FAM161A: variants seen among roughly 807,000 people sequenced by gnomAD.
FAM161A encodes protein FAM161A.
A neutral mutation model predicts 70.9 loss-of-function variants in FAM161A; 57 were observed. The ratio of observed to expected loss-of-function variants is 0.80; its 90% CI spans 0.65 to 1.00. The LOEUF (loss-of-function observed/expected upper bound fraction) is 1.00. Ranked by LOEUF, FAM161A falls within the 50% of genes least tolerant of loss-of-function variation. FAM161A has a pLI of 0.00. For missense variants in FAM161A, 880 were observed against 836.0 expected, an observed-to-expected ratio of 1.05 and a Z score of -0.65; for synonymous variants, 299 against 295.7, an observed-to-expected ratio of 1.01 and a Z score of -0.12.
At chr2:61,838,501 A>G (rs1672855946) in intron 4 of FAM161A, 37 bp downstream of exon 4, 2 of 1,548,932 alleles carry the variant, frequency 1.3e-6, no homozygotes, top group African/African-American at 2.8e-5. Context: ...GAGTTTGAAA[A>G]CCAGTGGTCT....
downstream of FAM161A, among the ~76,000 whole-genome samples, chr2:61,821,028 T>C (rs1188384186): frequency 6.6e-6 from 1 of 152,100 alleles, no homozygotes; most frequent in Admixed American, 6.6e-5. Flanking sequence ...GATATAAGCA[T>C]ACATTTTATG....
chr2:61,803,210 C>T, the FAM161A span: 1 of 572,628 alleles, frequency 1.7e-6, no homozygotes. Flanking sequence ...AAAAAACTAG[C>T]CAAAATGTAT....
rs886056215 is a variant in FAM161A at position 61,825,232 on chromosome 2, T to C, written c.*1223A>G. On this transcript the variant is annotated 3_prime_UTR_variant, in exon 7 of 7. Coordinates refer to ENST00000404929, the MANE Select transcript of FAM161A (RefSeq NM_001201543.2). ...ACAAAAATTTGCTTAAAGAAAAAAA[T>C]ATAGATTTATAAAATCAGATTAACA... is the stretch of plus-strand genomic sequence containing the variant. The C allele has an allele frequency of 9.7e-5, 43 of 441,254 alleles. No homozygotes were observed. Among genetic ancestry groups the C allele is most frequent in the Middle Eastern group, 7.2e-4 (1 of 1,390 alleles). The allele number at this position is 441,254 out of a possible 1,614,324, so 27.3% of individuals were successfully genotyped here. A position where few individuals can be genotyped will look rare whatever the true frequency, so the allele number is the denominator to read the frequency against.
At chr2:61,842,024 G>T in intron 2 of FAM161A, 98 bp downstream of exon 2, 1 of 823,606 alleles carries the variant, frequency 1.2e-6, no homozygotes, top group Non-Finnish European at 2.1e-6. Context: ...AGTACAAAGG[G>T]CTATTTAAGA....
chr2:61,830,513 T>G (rs944690246), intron 5 of FAM161A, among the ~76,000 whole-genome samples: 2 of 151,598 alleles, frequency 1.3e-5, no homozygotes, highest in Non-Finnish European at 2.9e-5. Flanking sequence ...AAATCCCGTC[T>G]CTACTAAAAA....
At chr2:61,848,585 G>A (rs965415629) in intron 1 of FAM161A, among the ~76,000 whole-genome samples, 1 of 151,430 alleles carries the variant, frequency 6.6e-6, no homozygotes, top group Non-Finnish European at 1.5e-5. Context: ...TTTAGATAAT[G>A]AATCCTTCCA....
At chr2:61,809,045 G>T in the FAM161A span, among the ~76,000 whole-genome samples, 1 of 152,034 alleles carries the variant, frequency 6.6e-6, no homozygotes, top group African/African-American at 2.4e-5. Flanking sequence ...ACTAATTTTT[G>T]TATTTTTAGT....
intron 5 of FAM161A, among the ~76,000 whole-genome samples, chr2:61,827,965 A>G (rs1053450390): frequency 1.3e-5 from 2 of 152,272 alleles, no homozygotes; most frequent in African/African-American, 4.8e-5. Context: ...GAGCAAAAGA[A>G]GCAAAGCACT....
chr2:61,843,375 C>T (rs1673089801), intron 1 of FAM161A, among the ~76,000 whole-genome samples: 1 of 152,162 alleles, frequency 6.6e-6, no homozygotes, highest in Non-Finnish European at 1.5e-5. Context: ...GATCTACTCG[C>T]CTCGGCCTCT....
chr2:61,809,737 G>C, the FAM161A span, among the ~76,000 whole-genome samples: 4 of 152,084 alleles, frequency 2.6e-5, no homozygotes, highest in Non-Finnish European at 4.4e-5. Flanking sequence ...TTCACCCTTT[G>C]AATCTGGCCT....
chr2:61,832,957 G>A (rs192244302), intron 5 of FAM161A, among the ~76,000 whole-genome samples: 2 of 152,280 alleles, frequency 1.3e-5, no homozygotes, highest in African/African-American at 2.4e-5. Flanking sequence ...GGCTCCAGGG[G>A]AGGAAAGGAA....
chr2:61,840,052 G>C lies in FAM161A; in HGVS notation c.952C>G (p.Leu318Val). Residue 318 changes from leucine to valine, a missense_variant, in exon 3 of 7, where the codon CTT becomes GTT. Transcript: ENST00000404929. ...RSLKEKSKEA[L>V]LASQKPFKFI... ...TTAAATGGCTTTTGTGAGGCCAAAAGAGCTTCTTTGCTTTTCTCCTTCAGA... is the reference window on the plus strand; with the variant it reads ...TTAAATGGCTTTTGTGAGGCCAAAACAGCTTCTTTGCTTTTCTCCTTCAGA... 5.6e-6 allele frequency: 9 copies of C among 1,614,154 alleles called. No individual in the cohort carries two copies. The highest frequency in any genetic ancestry group is 7.6e-6 in the Non-Finnish European group (9 of 1,180,040).
intron 1 of FAM161A, among the ~76,000 whole-genome samples, chr2:61,848,180 G>C (rs1673299141): frequency 6.6e-6 from 1 of 152,098 alleles, no homozygotes; most frequent in African/African-American, 2.4e-5. Context: ...AATTTATTTG[G>C]ACCTGGAAGA....
downstream of FAM161A, chr2:61,820,401 G>A: frequency 1.7e-5 from 13 of 757,930 alleles, no homozygotes; most frequent in South Asian, 1.7e-4. Context: ...TGGAGGAGGT[G>A]GATGCAGCCA....
At chr2:61,815,851 T>C in the FAM161A span, among the ~76,000 whole-genome samples, 1 of 151,902 alleles carries the variant, frequency 6.6e-6, no homozygotes, top group Admixed American at 6.6e-5. Flanking sequence ...ACACCTGGCC[T>C]CTCTCCCTAT....
Position 61,826,548 on chromosome 2 carries a change from ATAAT to A in FAM161A, c.2054_2057del (p.Asn685IlefsTer92). ...AATCCTGGCTGTTGGTATCAATAAA[ATAAT>A]TTTCTTCCCCATTCTCTCTTTCTTC... On this transcript the variant is annotated frameshift_variant, in exon 7 of 7. Transcript: ENST00000404929. LOFTEE classifies it high-confidence loss of function. The A allele has an allele frequency of 6.2e-7, 1 of 1,601,696 alleles. No individual in the cohort carries two copies.
Position 61,824,893 on chromosome 2 carries a change from G to A in FAM161A, c.*1562C>T. The stretch of plus-strand genomic sequence containing the variant: ...AACCTTTATTAAGTACCTACCATAT[G>A]TACAATACTGTTCCAAATATTAAGG... On this transcript the variant is annotated 3_prime_UTR_variant, in exon 7 of 7. Coordinates refer to ENST00000404929, the MANE Select transcript of FAM161A (RefSeq NM_001201543.2). The A allele has an allele frequency of 2.2e-6, 1 of 446,006 alleles. No individual in the cohort carries two copies. Among genetic ancestry groups the A allele is most frequent in the Non-Finnish European group, 4.5e-6 (1 of 224,672 alleles). 27.6% of individuals were successfully genotyped at this position (446,006 alleles called of 1,614,324 possible).
chr2:61,845,830 T>G (rs1239547015), intron 1 of FAM161A, among the ~76,000 whole-genome samples: 4 of 151,968 alleles, frequency 2.6e-5, no homozygotes, highest in Non-Finnish European at 2.9e-5. Flanking sequence ...AGCTCACGCC[T>G]GTAATCCCAG....
downstream of FAM161A, among the ~76,000 whole-genome samples, chr2:61,822,360 G>A (rs116288264): frequency 5.0e-3 from 762 of 151,952 alleles, 3 homozygotes; most frequent in African/African-American, 0.018. Flanking sequence ...GCCACATCAG[G>A]ACTACATATA....
Sources: allele counts gnomAD v4.1 joint callset (sites outside exome capture counted in the v4.1 genomes callset), GRCh38; gene constraint gnomAD v4.1.1; transcripts MANE v1.5; gene names NCBI Gene and HGNC (gene_info 2026-07-23, HGNC 2026-07-21).